EYS: variants seen among roughly 807,000 people sequenced by gnomAD.
The protein encoded by EYS is protein eyes shut homolog.
Under a neutral mutation model 282.1 loss-of-function variants are expected in EYS, and 250 were observed. That is an observed-to-expected ratio of 0.89 (90% CI 0.80 to 0.98). The LOEUF (loss-of-function observed/expected upper bound fraction) is 0.98. Ranked by LOEUF, EYS falls within the 50% of genes least tolerant of loss-of-function variation. The probability of loss-of-function intolerance (pLI) is 0.00; values close to 1 mark genes in which losing one functional copy is unlikely to be tolerated. For synonymous variants in EYS, 1,355 were observed against 1,282.9 expected, an observed-to-expected ratio of 1.06 and a Z score of -1.20; for missense variants, 4,016 against 3,709.0, an observed-to-expected ratio of 1.08 and a Z score of -2.15.
intron 1 of EYS, among the ~76,000 whole-genome samples, chr6:65,644,428 A>G (rs1028361235): frequency 6.6e-6 from 1 of 152,220 alleles, no homozygotes; most frequent in African/African-American, 2.4e-5. Flanking sequence ...TTAAGCATTC[A>G]AACCTAAGAA....
At chr6:63,813,363 A>C (rs1036721790) in intron 36 of EYS, among the ~76,000 whole-genome samples, 2 of 152,206 alleles carry the variant, frequency 1.3e-5, no homozygotes, top group African/African-American at 4.8e-5. Flanking sequence ...GTTTCCATTT[A>C]ATATTTGAAA....
intron 22 of EYS, among the ~76,000 whole-genome samples, chr6:64,634,914 A>T (rs897758128): frequency 9.2e-5 from 14 of 152,180 alleles, no homozygotes; most frequent in Non-Finnish European, 5.9e-5. Flanking sequence ...TACCTTGGGC[A>T]GTATGGCCAT....
At chr6:64,167,645 G>GAC (rs1184028048) in intron 31 of EYS, among the ~76,000 whole-genome samples, 2 of 151,944 alleles carry the variant, frequency 1.3e-5, no homozygotes, top group Non-Finnish European at 2.9e-5. Context: ...CGTACATACA[G>GAC]ACACACACAC....
chr6:64,635,579 T>A (rs537207418), intron 22 of EYS, among the ~76,000 whole-genome samples: 1 of 152,314 alleles, frequency 6.6e-6, no homozygotes, highest in South Asian at 2.1e-4. Flanking sequence ...CTATTGAGAT[T>A]ATCATGTGGT....
At chr6:64,314,704 C>G (rs553572911) in intron 29 of EYS, among the ~76,000 whole-genome samples, 159 of 152,070 alleles carry the variant, frequency 1.0e-3, no homozygotes, top group African/African-American at 3.8e-3. Flanking sequence ...AATTAAGGCA[C>G]AAATAAAGAT....
intron 31 of EYS, among the ~76,000 whole-genome samples, chr6:64,095,973 T>G (rs1772594761): frequency 6.6e-6 from 1 of 152,232 alleles, no homozygotes; most frequent in African/African-American, 2.4e-5. Flanking sequence ...CTCTCAGCAT[T>G]TGCTTATCTG....
chr6:64,880,824 TTA>T (rs200607771), intron 19 of EYS, among the ~76,000 whole-genome samples: 7 of 148,794 alleles, frequency 4.7e-5, no homozygotes, highest in Admixed American at 6.8e-5. Context: ...ATAAGAGATT[TTA>T]TATATATATA....
At chr6:65,512,618 A>G (rs1766939838) in intron 2 of EYS, among the ~76,000 whole-genome samples, 1 of 152,106 alleles carries the variant, frequency 6.6e-6, no homozygotes, top group Non-Finnish European at 1.5e-5. Flanking sequence ...TCAAACTAGA[A>G]CTCAGGATTA....
intron 19 of EYS, among the ~76,000 whole-genome samples, chr6:64,827,797 T>C (rs985416469): frequency 6.6e-6 from 1 of 151,840 alleles, no homozygotes; most frequent in African/African-American, 2.4e-5. Flanking sequence ...GATTTCCAGA[T>C]AGGCAGTCCA....
intron 31 of EYS, among the ~76,000 whole-genome samples, chr6:64,160,814 C>A (rs972268672): frequency 5.3e-5 from 8 of 152,158 alleles, no homozygotes; most frequent in African/African-American, 1.9e-4. Context: ...AAAGAATTCT[C>A]AGCAATGCAT....
chr6:64,125,495 T>C (rs1361292472), intron 31 of EYS, among the ~76,000 whole-genome samples: 1 of 151,872 alleles, frequency 6.6e-6, no homozygotes, highest in Non-Finnish European at 1.5e-5. Context: ...AGTCGTCAAC[T>C]GTCGGCCGGG....
intron 12 of EYS, among the ~76,000 whole-genome samples, chr6:65,096,484 G>GA (rs1203150990): frequency 6.7e-5 from 10 of 149,600 alleles, no homozygotes; most frequent in South Asian, 6.3e-4. Context: ...TACAGAAATA[G>GA]AAAAAAAAAT....
At chr6:65,336,324 T>C (rs1050965429) in intron 10 of EYS, among the ~76,000 whole-genome samples, 66 of 151,766 alleles carry the variant, frequency 4.3e-4, no homozygotes, top group African/African-American at 1.5e-3. Context: ...CATTTATTTG[T>C]TGAAATAATA....
At chr6:64,483,999 A>G (rs2150501309) in intron 26 of EYS, among the ~76,000 whole-genome samples, 1 of 151,734 alleles carries the variant, frequency 6.6e-6, no homozygotes. Context: ...TAATATGGGG[A>G]AAATAACTTT....
At chr6:63,979,981 AT>A (rs1312973685) in intron 35 of EYS, among the ~76,000 whole-genome samples, 1 of 151,936 alleles carries the variant, frequency 6.6e-6, no homozygotes, top group Non-Finnish European at 1.5e-5. Context: ...AGCAGATTAC[AT>A]TCATAGACAG....
At chr6:64,255,757 T>G (rs532927405) in intron 30 of EYS, among the ~76,000 whole-genome samples, 4 of 152,194 alleles carry the variant, frequency 2.6e-5, no homozygotes, top group African/African-American at 2.4e-5. Context: ...TAAAACGATA[T>G]ATTCACATGA....
chr6:64,622,482 G>A (rs549637800), intron 23 of EYS, among the ~76,000 whole-genome samples: 8 of 152,204 alleles, frequency 5.3e-5, no homozygotes, highest in Admixed American at 2.0e-4. Context: ...TGTCTGGTGG[G>A]GAAAACAGTA....
chr6:65,179,507 C>T (rs1425848471), intron 12 of EYS, among the ~76,000 whole-genome samples: 1 of 152,004 alleles, frequency 6.6e-6, no homozygotes, highest in African/African-American at 2.4e-5. Context: ...AAGACTAAAC[C>T]AGGAAGAAGT....
intron 31 of EYS, among the ~76,000 whole-genome samples, chr6:64,218,202 ATAC>A (rs1466372179): frequency 6.6e-6 from 1 of 152,164 alleles, no homozygotes; most frequent in African/African-American, 2.4e-5. Flanking sequence ...AGAAAGCTCA[ATAC>A]TGCCAGGTGA....
Sources: allele counts gnomAD v4.1 joint callset (sites outside exome capture counted in the v4.1 genomes callset), GRCh38; gene constraint gnomAD v4.1.1; transcripts MANE v1.5; gene names NCBI Gene and HGNC (gene_info 2026-07-23, HGNC 2026-07-21).